Variants in ASIC1 observed in about 807,000 individuals in gnomAD.
ASIC1 encodes the protein acid-sensing ion channel 1.
ASIC1 carries 21 observed loss-of-function variants against 63.4 expected under a neutral mutation model. The ratio of observed to expected loss-of-function variants is 0.33; its 90% CI spans 0.23 to 0.48. The LOEUF is 0.48. Ranked by LOEUF, ASIC1 falls within the 20% of genes least tolerant of loss-of-function variation. The pLI, the probability that ASIC1 is intolerant of heterozygous loss-of-function variation, is 0.99. For synonymous variants in ASIC1, 258 were observed against 278.2 expected (o/e 0.93, Z 0.72); for missense variants, 478 against 695.5 (o/e 0.69, Z 3.52).
intron 3 of ASIC1, among the ~76,000 whole-genome samples, chr12:50,075,425 G>A (rs1433017353): frequency 6.6e-6 from 1 of 152,208 alleles, no homozygotes; most frequent in African/African-American, 2.4e-5. Flanking sequence ...CTGCTAGCCG[G>A]CCTCAGACAC....
chr12:50,061,817 G>C lies in ASIC1; in HGVS notation c.558+1863G>C, dbSNP rs541271830. Among the ~76,000 whole-genome samples, 3 of 152,346 alleles carry C rather than the reference G, an allele frequency of 2.0e-5. No individual in the cohort carries two copies. In the East Asian group the frequency reaches 5.8e-4, roughly 29 times the overall value. ...TTTGGTTGATGGTAATGGAGACACT[G>C]AGATGTGATTGGTCCATGCTGTCTG... is the stretch of plus-strand genomic sequence containing the variant. On this transcript the variant is annotated intron_variant, in intron 3 of 11. Coordinates refer to ENST00000447966, the MANE Select transcript of ASIC1 (RefSeq NM_001095.4).
chr12:50,071,571 C>T (rs1250797335), intron 3 of ASIC1, among the ~76,000 whole-genome samples: 2 of 152,066 alleles, frequency 1.3e-5, no homozygotes, highest in Admixed American at 6.5e-5. Context: ...CGTGAGCCAC[C>T]ACGCCTGGCT....
chr12:50,072,021 T>C (rs1950604675), intron 3 of ASIC1, among the ~76,000 whole-genome samples: 1 of 152,210 alleles, frequency 6.6e-6, no homozygotes, highest in Non-Finnish European at 1.5e-5. Flanking sequence ...CTCAAGACTC[T>C]GCTTCTGAGG....
In ASIC1 at chr12:50,059,129, G is replaced by C; in HGVS notation, c.362+1G>C. 1 of 1,612,170 alleles carries C rather than the reference G, an allele frequency of 6.2e-7. No individual in the cohort carries two copies. The highest frequency in any genetic ancestry group is 1.3e-5 in the African/African-American group (1 of 75,014). ...AGCTGCTGGCCCTGCTCAACAACAGGTGGGTGGCTCCCACCCTCCCTCAGC... is the reference window on the plus strand; with the variant it reads ...AGCTGCTGGCCCTGCTCAACAACAGCTGGGTGGCTCCCACCCTCCCTCAGC... On this transcript the variant is annotated splice_donor_variant, in intron 2 of 11. Transcript: ENST00000447966. LOFTEE classifies it high-confidence loss of function. The surrounding 1 kb of genome is among the most constrained non-coding windows in gnomAD (Gnocchi z 4.6).
At chr12:50,061,867 T>A (rs1429028592) in intron 3 of ASIC1, among the ~76,000 whole-genome samples, 1 of 152,160 alleles carries the variant, frequency 6.6e-6, no homozygotes, top group Admixed American at 6.5e-5. Flanking sequence ...AGTAGTCAGA[T>A]GGAGATGTGA....
chr12:50,080,052 T>C lies in ASIC1; in HGVS notation c.1202T>C (p.Ile401Thr), dbSNP rs1950698775. Residue 401 changes from isoleucine (I) to threonine (T), a missense_variant, in exon 8 of 12, where the codon ATA (isoleucine) becomes ACA (threonine). Ile to Thr is a moderately conservative substitution (Grantham distance 89, BLOSUM62 -1). This residue lies in a region of ASIC1 where 84 missense variants were observed against 183.5 expected (regional missense o/e 0.46). Coordinates refer to ENST00000447966, the MANE Select transcript of ASIC1 (RefSeq NM_001095.4). ...AAGTTCAACAAATCTGAGCAATACA[T>C]AGGGTAAGGGCTCTGGCTGGGTAGA... is the stretch of plus-strand genomic sequence containing the variant. ...AKKFNKSEQY[I>T]GENILVLDIF... is the part of the protein sequence containing the mutation. The C allele has an allele frequency of 4.3e-6, 7 of 1,610,362 alleles. No homozygotes were observed. Among genetic ancestry groups the C allele is most frequent in the Non-Finnish European group, 5.9e-6 (7 of 1,178,064 alleles).
intron 8 of ASIC1, 163 bp from the exon 9 acceptor site, chr12:50,080,335 T>C: frequency 1.3e-6 from 1 of 792,528 alleles, no homozygotes; most frequent in East Asian, 2.7e-5. Flanking sequence ...TTTTTTCATA[T>C]ATGCCATCTC....
At chr12:50,061,942 C>A (rs1950504690) in intron 3 of ASIC1, among the ~76,000 whole-genome samples, 1 of 152,202 alleles carries the variant, frequency 6.6e-6, no homozygotes, top group African/African-American at 2.4e-5. Flanking sequence ...GACACACAGG[C>A]TAGCACCCTG....
chr12:50,079,426 T>TC (rs1427669926), intron 7 of ASIC1, among the ~76,000 whole-genome samples: 12 of 151,302 alleles, frequency 7.9e-5, no homozygotes, highest in Admixed American at 3.3e-4. Flanking sequence ...ATAATAATAA[T>TC]AATCAATAAA....
chr12:50,065,934 C>A (rs577190469), intron 3 of ASIC1, among the ~76,000 whole-genome samples: 1 of 152,230 alleles, frequency 6.6e-6, no homozygotes, highest in East Asian at 1.9e-4. Flanking sequence ...CCTCACAACA[C>A]CCTCATCACA....
chr12:50,062,669 T>C (rs1308379963), intron 3 of ASIC1, among the ~76,000 whole-genome samples: 1 of 152,184 alleles, frequency 6.6e-6, no homozygotes, highest in African/African-American at 2.4e-5. Context: ...GGCAACCCTC[T>C]TCTCAACAAT....
At chr12:50,058,659 G>A (rs1473699880) in intron 1 of ASIC1, 92 bp from the exon 2 acceptor site, 12 of 1,458,622 alleles carry the variant, frequency 8.2e-6, no homozygotes, top group Non-Finnish European at 5.5e-6. Flanking sequence ...GTGACCTCTG[G>A]AGATGAGGAT....
intron 4 of ASIC1, among the ~76,000 whole-genome samples, chr12:50,077,739 G>A (rs1169969306): frequency 6.6e-6 from 1 of 152,138 alleles, no homozygotes; most frequent in Admixed American, 6.5e-5. Context: ...TGACACTCTG[G>A]GAGAAAGTAT....
In ASIC1 at chr12:50,074,399, C is replaced by T. The variant is rs970764497; in HGVS notation, c.559-2814C>T. ...TGGCTGACACAGGCCAGAGCTCACC[C>T]AGGAGTCCGGGGCCTGGAGCTGGGC... On this transcript the variant is annotated intron_variant, in intron 3 of 11. Transcript: ENST00000447966. The surrounding 1 kb of genome is among the most constrained non-coding windows in gnomAD (Gnocchi z 4.2). Among the ~76,000 whole-genome samples the T allele has an allele frequency of 2.0e-5, 3 of 152,184 alleles. No homozygotes were observed. The highest frequency in any genetic ancestry group is 4.8e-5 in the African/African-American group (2 of 41,430).
At chr12:50,062,578 C>G (rs969090613) in intron 3 of ASIC1, among the ~76,000 whole-genome samples, 1 of 147,724 alleles carries the variant, frequency 6.8e-6, no homozygotes, top group African/African-American at 2.5e-5. Context: ...ATACCACCCC[C>G]CACTGTCCAA....
chr12:50,065,657 C>T (rs1234748821), intron 3 of ASIC1, among the ~76,000 whole-genome samples: 1 of 152,224 alleles, frequency 6.6e-6, no homozygotes, highest in Non-Finnish European at 1.5e-5. Context: ...ACTGCCACCC[C>T]AGGCTCTCCA....
Position 50,078,344 on chromosome 12 carries a change from A to G in ASIC1, c.838-77A>G, listed in dbSNP as rs1022652055. ...GGGGAGCAGAACTCCAGAGATCTGC[A>G]TCTTGTCAGAGGAGTCCATCAAGCT... On this transcript the variant is annotated intron_variant, in intron 5 of 11. Transcript: ENST00000447966. This position sits in a 1 kb window ranked among gnomAD's most constrained non-coding sequence, Gnocchi z 6.0. 2.4e-5 allele frequency: 38 copies of G among 1,578,070 alleles called. No homozygotes were observed. The South Asian group carries it at 2.5e-4, about 10-fold the overall frequency.
chr12:50,067,564 A>G (rs1355428196), intron 3 of ASIC1, among the ~76,000 whole-genome samples: 3 of 151,952 alleles, frequency 2.0e-5, no homozygotes, highest in Admixed American at 6.6e-5. Flanking sequence ...GCGTGCCACC[A>G]TGCGCGGCTA....
chr12:50,060,745 G>A (rs1302766741), intron 3 of ASIC1, among the ~76,000 whole-genome samples: 2 of 152,320 alleles, frequency 1.3e-5, no homozygotes, highest in East Asian at 3.9e-4. Context: ...CATCTGATGT[G>A]CTGGGCAACC....
Sources: gnomAD v4.1 joint callset for allele counts (sites outside exome capture counted in the v4.1 genomes callset) on GRCh38, gnomAD v4.1.1 for gene constraint, gnomAD v4.1.1 regional missense constraint, Gnocchi (gnomAD v3.1) non-coding constraint, MANE v1.5 for transcripts, NCBI Gene and HGNC (gene_info 2026-07-23, HGNC 2026-07-21) for gene names.